The following DLG2 variants were observed in gnomAD, a reference collection of about 807,000 sequenced individuals.
DLG2 encodes the protein discs large MAGUK scaffold protein 2.
DLG2 carries 45 observed loss-of-function variants against 132.5 expected under a neutral mutation model. The observed-to-expected ratio is 0.34, with a 90% CI of 0.27 to 0.44. The LOEUF (loss-of-function observed/expected upper bound fraction) is 0.44. DLG2 is among the 20% of genes least tolerant of loss of function. The pLI is 1.00. For synonymous variants in DLG2, 424 were observed against 419.6 expected, an observed-to-expected ratio of 1.01 and a Z score of -0.13; for missense variants, 1,045 against 1,196.9, an observed-to-expected ratio of 0.87 and a Z score of 1.87.
At chr11:84,978,413 A>G (rs967964274) in intron 6 of DLG2, among the ~76,000 whole-genome samples, 1 of 152,178 alleles carries the variant, frequency 6.6e-6, no homozygotes, top group Non-Finnish European at 1.5e-5. Flanking sequence ...AAACTATACT[A>G]CAAGGCTACA....
At chr11:84,294,541 T>C (rs1402783718) in intron 7 of DLG2, among the ~76,000 whole-genome samples, 2 of 152,192 alleles carry the variant, frequency 1.3e-5, no homozygotes, top group Non-Finnish European at 2.9e-5. Flanking sequence ...AAGGTTGCAG[T>C]GAGCCGAGAT....
intron 7 of DLG2, among the ~76,000 whole-genome samples, chr11:84,488,913 C>T (rs911119415): frequency 1.3e-5 from 2 of 152,252 alleles, no homozygotes; most frequent in Middle Eastern, 3.4e-3. Flanking sequence ...AGATGTGCTG[C>T]CTCTCTTCAA....
intron 22 of DLG2, chr11:83,480,798 G>T: frequency 1.7e-6 from 1 of 592,504 alleles, no homozygotes; most frequent in South Asian, 2.5e-5. Flanking sequence ...AGACGCTTCT[G>T]GTGTGTAGGC....
At chr11:84,245,958 G>A (rs1254040521) in intron 8 of DLG2, among the ~76,000 whole-genome samples, 2 of 152,196 alleles carry the variant, frequency 1.3e-5, no homozygotes, top group African/African-American at 2.4e-5. Flanking sequence ...GTTGGTGGAT[G>A]TAAGGTGAGC....
intron 6 of DLG2, among the ~76,000 whole-genome samples, chr11:84,886,928 T>G (rs933552864): frequency 2.6e-5 from 4 of 152,158 alleles, no homozygotes; most frequent in Non-Finnish European, 4.4e-5. Context: ...GTTCTCACCC[T>G]TCTATCAAAG....
At chr11:85,448,850 A>T (rs898708919) in intron 3 of DLG2, among the ~76,000 whole-genome samples, 2 of 152,156 alleles carry the variant, frequency 1.3e-5, no homozygotes, top group Non-Finnish European at 2.9e-5. Flanking sequence ...TGAGCCTATC[A>T]AACACTAATA....
intron 7 of DLG2, among the ~76,000 whole-genome samples, chr11:84,502,289 T>C (rs2099216434): frequency 7.8e-4 from 2 of 2,550 alleles, no homozygotes; most frequent in Non-Finnish European, 6.4e-4. Context: ...CTTCTTTCTT[T>C]CTTTCTTTCT....
intron 3 of DLG2, among the ~76,000 whole-genome samples, chr11:85,588,547 A>C (rs533334878): frequency 6.6e-6 from 1 of 151,998 alleles, no homozygotes; most frequent in African/African-American, 2.4e-5. Flanking sequence ...TTTCTTTACA[A>C]TATCTATTTC....
At chr11:83,947,740 A>G (rs2154144611) in intron 14 of DLG2, among the ~76,000 whole-genome samples, 1 of 152,382 alleles carries the variant, frequency 6.6e-6, no homozygotes, top group East Asian at 1.9e-4. Flanking sequence ...AAGAAGTTAC[A>G]TAACTCATCC....
intron 3 of DLG2, among the ~76,000 whole-genome samples, chr11:85,437,193 A>G (rs1228558326): frequency 6.6e-6 from 1 of 152,036 alleles, no homozygotes; most frequent in Non-Finnish European, 1.5e-5. Flanking sequence ...ACAAATAGCC[A>G]ATGCATGTGG....
intron 6 of DLG2, among the ~76,000 whole-genome samples, chr11:84,735,038 G>A (rs561099270): frequency 6.6e-6 from 1 of 152,208 alleles, no homozygotes; most frequent in East Asian, 1.9e-4. Context: ...GATTCAGTTT[G>A]CCAGTATTTT....
intron 11 of DLG2, among the ~76,000 whole-genome samples, chr11:83,993,317 C>G (rs1338215431): frequency 2.6e-5 from 4 of 152,086 alleles, no homozygotes; most frequent in Non-Finnish European, 5.9e-5. Context: ...TTTCAAATGT[C>G]AAGCATCCTA....
At chr11:84,879,798 T>C (rs1006708999) in intron 6 of DLG2, among the ~76,000 whole-genome samples, 12 of 152,134 alleles carry the variant, frequency 7.9e-5, no homozygotes, top group Non-Finnish European at 1.8e-4. Context: ...GTTTTAAATC[T>C]ATGAGGTTCA....
At chr11:84,202,953 TCAAA>T (rs925753709) in intron 8 of DLG2, among the ~76,000 whole-genome samples, 25 of 151,982 alleles carry the variant, frequency 1.6e-4, no homozygotes, top group African/African-American at 5.8e-4. Flanking sequence ...TATTTAAAAG[TCAAA>T]CAACAACAGT....
At chr11:85,237,953 A>G (rs2075673014) in intron 4 of DLG2, among the ~76,000 whole-genome samples, 2 of 152,024 alleles carry the variant, frequency 1.3e-5, no homozygotes, top group Non-Finnish European at 2.9e-5. Context: ...CATTTGTACA[A>G]AATATTATAG....
chr11:84,163,051 C>G (rs1241385706), intron 9 of DLG2, among the ~76,000 whole-genome samples: 1 of 152,098 alleles, frequency 6.6e-6, no homozygotes, highest in Non-Finnish European at 1.5e-5. Flanking sequence ...AAATGCACCA[C>G]TTGTTTTTTA....
chr11:85,431,500 GAA>G (rs575107870), intron 3 of DLG2, among the ~76,000 whole-genome samples: 6 of 152,250 alleles, frequency 3.9e-5, no homozygotes, highest in Non-Finnish European at 8.8e-5. Context: ...CACATGGCTA[GAA>G]TCTGCCTAAG....
intron 6 of DLG2, among the ~76,000 whole-genome samples, chr11:84,711,356 GA>G: frequency 1.1e-5 from 1 of 94,480 alleles, no homozygotes; most frequent in Non-Finnish European, 1.9e-5. Context: ...GAGAGAGAGA[GA>G]GAGAGAGAGA....
chr11:85,132,812 C>T (rs748406395), intron 5 of DLG2: 1 of 456,750 alleles, frequency 2.2e-6, no homozygotes, highest in South Asian at 1.5e-5. Context: ...GATCCCTACA[C>T]AGGACTCAGT....
Sources: gnomAD v4.1 joint callset for allele counts (sites outside exome capture counted in the v4.1 genomes callset) on GRCh38, gnomAD v4.1.1 for gene constraint, MANE v1.5 for transcripts, NCBI Gene and HGNC (gene_info 2026-07-23, HGNC 2026-07-21) for gene names.